Variants in PDIA4 observed in about 807,000 individuals in gnomAD.
PDIA4 encodes the protein protein disulfide isomerase family A member 4.
Under a neutral mutation model 62.1 loss-of-function variants are expected in PDIA4, and 33 were observed. The observed-to-expected ratio is 0.53, with a 90% CI of 0.40 to 0.71. PDIA4 has a LOEUF of 0.71. Among genes scored for constraint, PDIA4 ranks in the 30% least tolerant of loss-of-function variants. PDIA4 has a pLI of 0.00. For missense variants in PDIA4, 804 were observed against 813.6 expected (o/e 0.99, Z 0.14); for synonymous variants, 341 against 324.1 (o/e 1.05, Z -0.56).
At chr7:149,022,495 C>A (rs990607427) in intron 1 of PDIA4, among the ~76,000 whole-genome samples, 20 of 152,176 alleles carry the variant, frequency 1.3e-4, no homozygotes, top group Non-Finnish European at 2.5e-4. Context: ...GTAAACTGAA[C>A]TGGGCACAGC....
rs1563121855 is a variant in PDIA4 at position 149,015,032 on chromosome 7, G to A, written c.486C>T (p.Ala162=). 1 of 1,614,132 alleles carries A rather than the reference G, an allele frequency of 6.2e-7. No homozygotes were observed. Among genetic ancestry groups the A allele is most frequent in the South Asian group, 1.1e-5 (1 of 91,082 alleles). ...CGGGCTGGGAGACTTCTCTGACCTT[G>A]GCAACAATTTCTGAAAGAAACCAAG... ...EGSRTQEEIV[A]KVREVSQPDW... is the part of the protein sequence containing the mutation. Residue 162 remains alanine (A), a synonymous_variant, in exon 4 of 10, where the codon GCC becomes GCT. Transcript: ENST00000652332.
In PDIA4 at chr7:149,005,973, G is replaced by GT. The variant is rs937999567; in HGVS notation, c.1211dup (p.Asn404LysfsTer4). ...GGCGCCTGGTGTAGCGCTTAGCATC[G>GT]TTTGACACCTTGCGGTGGCCAACCA... is the stretch of plus-strand genomic sequence containing the variant. On this transcript the variant is annotated frameshift_variant, in exon 8 of 10. Transcript: ENST00000652332. LOFTEE classifies it high-confidence loss of function. The GT allele has an allele frequency of 1.9e-6, 3 of 1,541,850 alleles. No individual in the cohort carries two copies. In the African/African-American group the frequency reaches 4.3e-5, roughly 22 times the overall value.
At chr7:149,027,530 C>A (rs1000996670) in intron 1 of PDIA4, among the ~76,000 whole-genome samples, 8 of 152,154 alleles carry the variant, frequency 5.3e-5, no homozygotes, top group African/African-American at 1.9e-4. Flanking sequence ...AAGACCAGTA[C>A]CTGGATGCCT....
At chr7:149,020,764 C>T (rs546949181) in intron 2 of PDIA4, among the ~76,000 whole-genome samples, 37 of 152,308 alleles carry the variant, frequency 2.4e-4, no homozygotes, top group African/African-American at 5.8e-4. Flanking sequence ...AAGAAGACAT[C>T]GCCTTCCATG....
At chr7:149,010,964 G>C (rs1320023791) in intron 6 of PDIA4, among the ~76,000 whole-genome samples, 1 of 152,202 alleles carries the variant, frequency 6.6e-6, no homozygotes, top group Non-Finnish European at 1.5e-5. Context: ...GTTTCCTTCT[G>C]CAAGTTTCTT....
Position 149,005,223 on chromosome 7 carries a change from G to A in PDIA4, c.1440C>T (p.Asp480=), listed in dbSNP as rs768937980. The change falls in exon 9 of 10, where the codon GAC becomes GAT. Residue 480 remains aspartate (D), a synonymous_variant. Coordinates refer to ENST00000652332, the MANE Select transcript of PDIA4 (RefSeq NM_004911.5). The stretch of plus-strand genomic sequence containing the variant: ...CCATGGCGAACTTCTTCCCACTCTC[G>A]TCCAGGATGGCGGCATTGACATCCT... ...SGEDVNAAIL[D]ESGKKFAMEP... 2.9e-5 allele frequency: 47 copies of A among 1,614,024 alleles called. No individual in the cohort carries two copies. The highest frequency in any genetic ancestry group is 3.6e-5 in the Non-Finnish European group (42 of 1,180,022).
chr7:149,009,993 G>C (rs141599839), intron 6 of PDIA4, among the ~76,000 whole-genome samples: 1 of 152,352 alleles, frequency 6.6e-6, no homozygotes, highest in East Asian at 1.9e-4. Flanking sequence ...CTGGGTTATA[G>C]GACACATGTG....
intron 8 of PDIA4, 102 bp from the exon 9 acceptor site, chr7:149,005,476 T>C: frequency 2.7e-6 from 2 of 745,736 alleles, no homozygotes; most frequent in South Asian, 1.6e-5. Flanking sequence ...ATTCTGACAA[T>C]GCTCAAACCC....
intron 1 of PDIA4, 96 bp downstream of exon 1, chr7:149,028,225 C>T: frequency 1.1e-6 from 1 of 904,240 alleles, no homozygotes; most frequent in Non-Finnish European, 1.6e-6. Flanking sequence ...GCTGACCGCG[C>T]GGAAGCCCGC....
At chr7:149,024,607 G>A (rs1391233818) in intron 1 of PDIA4, among the ~76,000 whole-genome samples, 3 of 151,992 alleles carry the variant, frequency 2.0e-5, no homozygotes, top group Non-Finnish European at 2.9e-5. Context: ...GAGGTCAGGA[G>A]ATTAAGACCC....
chr7:149,022,875 C>A (rs903427845), intron 1 of PDIA4, among the ~76,000 whole-genome samples: 1 of 152,230 alleles, frequency 6.6e-6, no homozygotes, highest in Non-Finnish European at 1.5e-5. Context: ...AAAAAGCCAA[C>A]AAGAAAGCCC....
At chr7:149,016,554 T>C (rs1377169464) in intron 3 of PDIA4, among the ~76,000 whole-genome samples, 1 of 152,018 alleles carries the variant, frequency 6.6e-6, no homozygotes, top group Non-Finnish European at 1.5e-5. Context: ...AGAGTCTCGC[T>C]GTCGCCCAGG....
At chr7:149,013,936 C>A (rs1047462968) in intron 4 of PDIA4, among the ~76,000 whole-genome samples, 7 of 152,192 alleles carry the variant, frequency 4.6e-5, no homozygotes, top group African/African-American at 9.6e-5. Flanking sequence ...TCCCACCCAT[C>A]AGGCCAGGGC....
At chr7:149,012,525 G>A (rs187663513) in intron 4 of PDIA4, among the ~76,000 whole-genome samples, 165 bp from the exon 5 acceptor site, 3 of 152,238 alleles carry the variant, frequency 2.0e-5, no homozygotes, top group African/African-American at 7.2e-5. Flanking sequence ...TGTTGAGGGC[G>A]CTACCGCTGG....
At chr7:149,018,197 C>G (rs1174123051) in intron 3 of PDIA4, among the ~76,000 whole-genome samples, 1 of 151,804 alleles carries the variant, frequency 6.6e-6, no homozygotes, top group East Asian at 1.9e-4. Flanking sequence ...CCACTGCACT[C>G]CAGCCTGGGC....
In PDIA4 at chr7:149,019,059, G is replaced by A; in HGVS notation, c.408C>T (p.Gly136=). 6.2e-7 allele frequency: 1 copy of A among 1,613,682 alleles called. No homozygotes were observed. The highest frequency in any genetic ancestry group is 8.5e-7 in the Non-Finnish European group (1 of 1,179,898). ...SVLASRFDVS[G]YPTIKILKKG... is the part of the protein sequence containing the mutation. ...TCTTAAGGATCTTGATGGTGGGGTAGCCACTCACATCAAACCTGCTGGCCA... is the reference window on the plus strand; with the variant it reads ...TCTTAAGGATCTTGATGGTGGGGTAACCACTCACATCAAACCTGCTGGCCA... Residue 136 remains glycine (G), a synonymous_variant, in exon 3 of 10, where the codon GGC becomes GGT. Coordinates refer to ENST00000652332, the MANE Select transcript of PDIA4 (RefSeq NM_004911.5).
In PDIA4 at chr7:149,008,289, T is replaced by C; in HGVS notation, c.1001A>G (p.Tyr334Cys). ...TGTGCTGAAAGTGTGGTGAAATTTG[T>C]AATCTTCTCTCAGGTTGTTAGCTGA... The part of the protein sequence containing the change: ...QDAANNLRED[Y>C]KFHHTFSTEI... The change falls in exon 7 of 10, where the codon TAC (tyrosine) becomes TGC (cysteine). Residue 334 changes from tyrosine to cysteine, a missense_variant. Transcript: ENST00000652332. 3.1e-6 allele frequency: 5 copies of C among 1,613,846 alleles called. No homozygotes were observed. The highest frequency in any genetic ancestry group is 4.2e-6 in the Non-Finnish European group (5 of 1,179,914).
At chr7:149,028,029 G>C (rs568471911) in intron 1 of PDIA4, 1 of 614,866 alleles carries the variant, frequency 1.6e-6, no homozygotes, top group Non-Finnish European at 3.1e-6. Flanking sequence ...TGCAAAAAAG[G>C]CGCTCTGCAG....
intron 1 of PDIA4, among the ~76,000 whole-genome samples, chr7:149,025,250 T>C (rs927275075): frequency 6.6e-6 from 1 of 152,070 alleles, no homozygotes; most frequent in East Asian, 1.9e-4. Context: ...CCTGAGCAGG[T>C]TGCCTCAATC....
Sources: gnomAD v4.1 joint callset for allele counts (sites outside exome capture counted in the v4.1 genomes callset) on GRCh38, gnomAD v4.1.1 for gene constraint, MANE v1.5 for transcripts, NCBI Gene and HGNC (gene_info 2026-07-23, HGNC 2026-07-21) for gene names.